The following SYNE2 variants were observed in gnomAD, a reference collection of about 807,000 sequenced individuals.
SYNE2 encodes spectrin repeat containing nuclear envelope protein 2, also known as nesprin-2.
A neutral mutation model predicts 856.3 loss-of-function variants in SYNE2; 431 were observed. The ratio of observed to expected loss-of-function variants is 0.50; its 90% confidence interval spans 0.47 to 0.55. SYNE2 has a LOEUF of 0.55. Ranked by LOEUF, SYNE2 falls within the 20% of genes least tolerant of loss-of-function variation. SYNE2 has a pLI of 0.00. For missense variants in SYNE2, 8,129 were observed against 8,023.2 expected (o/e 1.01, Z -0.50); for synonymous variants, 2,923 against 2,872.3 (o/e 1.02, Z -0.56).
intron 17 of SYNE2, 108 bp downstream of exon 17, chr14:63,982,902 C>G: frequency 9.0e-7 from 1 of 1,108,990 alleles, no homozygotes. Flanking sequence ...TGCACAGTTA[C>G]GTAGCCATTA....
At chr14:63,784,318 C>A (rs1409823298) in intron 1 of SYNE2, among the ~76,000 whole-genome samples, 3 of 141,566 alleles carry the variant, frequency 2.1e-5, no homozygotes. Context: ...TGGTGAAACC[C>A]TGTCTCTACT....
At chr14:63,867,734 TGAAA>T (rs1010116251) in intron 1 of SYNE2, among the ~76,000 whole-genome samples, 17 of 118,504 alleles carry the variant, frequency 1.4e-4, no homozygotes, top group African/African-American at 3.8e-4. Flanking sequence ...AATGAAAGAA[TGAAA>T]GAAAGAGAGA....
intron 19 of SYNE2, among the ~76,000 whole-genome samples, chr14:63,987,752 T>C (rs1268994837): frequency 1.3e-5 from 2 of 151,964 alleles, no homozygotes; most frequent in Non-Finnish European, 2.9e-5. Context: ...GAGGTAGAAA[T>C]TAAATATTTA....
At chr14:64,116,565 G>A (rs1192996837) in intron 66 of SYNE2, among the ~76,000 whole-genome samples, 1 of 152,080 alleles carries the variant, frequency 6.6e-6, no homozygotes, top group East Asian at 1.9e-4. Flanking sequence ...TTACAGGCAT[G>A]CACCACAGCA....
chr14:64,162,839 C>G (rs1000987761), intron 88 of SYNE2: 3 of 190,906 alleles, frequency 1.6e-5, no homozygotes, highest in Admixed American at 5.3e-5. Flanking sequence ...CAAATCAAAA[C>G]GTGGCAACCA....
intron 1 of SYNE2, among the ~76,000 whole-genome samples, chr14:63,778,235 T>A (rs1419459577): frequency 6.6e-6 from 1 of 152,154 alleles, no homozygotes; most frequent in Non-Finnish European, 1.5e-5. Context: ...TCATGCCCTC[T>A]CACCTGCCCC....
intron 34 of SYNE2, among the ~76,000 whole-genome samples, chr14:64,019,381 G>A (rs1228821745): frequency 2.0e-5 from 3 of 151,916 alleles, no homozygotes; most frequent in East Asian, 3.8e-4. Context: ...CTCAGATCTC[G>A]TTTTGTCTCT....
intron 108 of SYNE2, 75 bp downstream of exon 108, chr14:64,216,462 G>A (rs2098667098): frequency 3.3e-6 from 5 of 1,516,748 alleles, no homozygotes; most frequent in Non-Finnish European, 4.6e-6. Flanking sequence ...GAGAGATTTT[G>A]GTGTAAACTG....
chr14:63,823,429 A>T (rs1054483849), intron 1 of SYNE2, among the ~76,000 whole-genome samples: 1 of 152,036 alleles, frequency 6.6e-6, no homozygotes, highest in Non-Finnish European at 1.5e-5. Context: ...CACCCACCTC[A>T]GCCTCCCAAA....
intron 43 of SYNE2, among the ~76,000 whole-genome samples, chr14:64,029,084 C>T (rs757727122): frequency 8.6e-5 from 13 of 151,966 alleles, no homozygotes; most frequent in African/African-American, 1.7e-4. Flanking sequence ...TGCAGTGAGC[C>T]GAGATTGCAC....
chr14:64,122,497 A>T, intron 70 of SYNE2, 70 bp downstream of exon 70: 1 of 1,601,608 alleles, frequency 6.2e-7, no homozygotes, highest in Non-Finnish European at 8.6e-7. Context: ...TCATTAAATA[A>T]ACATGTATAT....
At position 64,126,399 on chromosome 14, in the gene SYNE2, T is replaced by C. The variant is rs2097945619; in HGVS notation, c.13627T>C (p.Cys4543Arg). The C allele has an allele frequency of 4.3e-6, 7 of 1,614,068 alleles. No homozygotes were observed. Among genetic ancestry groups the C allele is most frequent in the Admixed American group, 3.3e-5 (2 of 60,006 alleles). The change falls in exon 72 of 116, where the codon TGC becomes CGC. Residue 4543 changes from cysteine to arginine, a missense_variant. Cys to Arg is a radical substitution (Grantham distance 180). Around this residue, in one of 3 missense-constraint regions of SYNE2, gnomAD observed 5,410 missense variants for 5,284.8 expected, o/e 1.02. Transcript: ENST00000555002. ...TGAACTATTCCTGACCCTCAGTCAG[T>C]GCCTCAGCAGTGTGGAGGAGATGCT... ...LFELFLTLSQ[C>R]LSSVEEMLEM...
chr14:63,833,919 T>TC (rs753884930), intron 1 of SYNE2, among the ~76,000 whole-genome samples: 13 of 152,220 alleles, frequency 8.5e-5, no homozygotes, highest in East Asian at 7.7e-4. Context: ...TAATCATGTG[T>TC]CCCCCCTAGT....
chr14:63,986,461 A>C lies in SYNE2; in HGVS notation c.2157A>C (p.Gly719=). 6.2e-7 allele frequency: 1 copy of C among 1,614,074 alleles called. No individual in the cohort carries two copies. Among genetic ancestry groups the C allele is most frequent in the South Asian group, 1.1e-5 (1 of 91,064 alleles). ...GGTACTTTTGAATGTTGTAGGCTGG[A>C]GAGAAACATGAAAAAGAAAATGAAG... ...PENYNQNIKA[G]EKHEKENEEF... The change falls in exon 19 of 116, where the codon GGA becomes GGC. Residue 719 remains glycine, a synonymous_variant. Transcript: ENST00000555002.
intron 74 of SYNE2, 112 bp downstream of exon 74, chr14:64,128,665 AT>A (rs573559721): frequency 4.9e-4 from 358 of 730,624 alleles, no homozygotes; most frequent in Admixed American, 1.6e-3. Flanking sequence ...GCTTAAGTAA[AT>A]AAATAAAAAA....
At position 64,025,379 on chromosome 14, in the gene SYNE2, C is replaced by T. The variant is rs748176707; in HGVS notation, c.6210C>T (p.Ser2070=). 46 of 1,613,322 alleles carry T rather than the reference C, an allele frequency of 2.9e-5. No homozygotes were observed. The highest frequency in any genetic ancestry group is 3.5e-5 in the Non-Finnish European group (41 of 1,179,928). Residue 2070 remains serine (S), a synonymous_variant, in exon 41 of 116, where the codon TCC becomes TCT. Coordinates refer to ENST00000555002, the MANE Select transcript of SYNE2 (RefSeq NM_182914.3). ...IKESLMVLNS[S]EGKMPLEERI... ...AGTCCCTTATGGTTTTGAATTCATCCGAAGGCAAAATGCCACTTGAGGAAA... is the reference window on the plus strand; with the variant it reads ...AGTCCCTTATGGTTTTGAATTCATCTGAAGGCAAAATGCCACTTGAGGAAA...
intron 7 of SYNE2, among the ~76,000 whole-genome samples, chr14:63,953,603 T>G (rs1872934276): frequency 6.6e-6 from 1 of 152,192 alleles, no homozygotes; most frequent in African/African-American, 2.4e-5. Context: ...TATACATAAC[T>G]TAAAATCTGC....
chr14:64,170,503 T>G, intron 94 of SYNE2, 41 bp downstream of exon 94: 1 of 1,548,570 alleles, frequency 6.5e-7, no homozygotes, highest in Non-Finnish European at 8.8e-7. Context: ...CACAGGGTGG[T>G]CATTGTTTGC....
At chr14:64,179,327 T>G (rs984008083) in intron 96 of SYNE2, among the ~76,000 whole-genome samples, 2 of 152,026 alleles carry the variant, frequency 1.3e-5, no homozygotes, top group Non-Finnish European at 2.9e-5. Flanking sequence ...TTAGTAGAGA[T>G]GGTGTTTCGC....
Sources: gnomAD v4.1 joint callset for allele counts (sites outside exome capture counted in the v4.1 genomes callset) on GRCh38, gnomAD v4.1.1 for gene constraint, gnomAD v4.1.1 regional missense constraint, MANE v1.5 for transcripts, NCBI Gene and HGNC (gene_info 2026-07-23, HGNC 2026-07-21) for gene names.